XKR9: variants seen among roughly 807,000 people sequenced by gnomAD.
XKR9 encodes XK related 9, also known as XK-related protein 9.
In XKR9, 32 loss-of-function variants were observed where a neutral mutation model predicts 32.0. That is an observed-to-expected ratio of 1.00 (90% CI 0.76 to 1.34). XKR9 has a LOEUF of 1.34. XKR9 is among the 40% of genes most tolerant of loss of function. The probability of loss-of-function intolerance (pLI) is 0.00; values close to 1 mark genes in which losing one functional copy is unlikely to be tolerated. For synonymous variants in XKR9, 168 were observed against 143.4 expected (o/e 1.17, Z -1.22); for missense variants, 546 against 429.7 (o/e 1.27, Z -2.39).
the XKR9 span, among the ~76,000 whole-genome samples, chr8:70,900,471 C>T: frequency 6.6e-6 from 1 of 151,956 alleles, no homozygotes; most frequent in Non-Finnish European, 1.5e-5. Context: ...TGCCTGTAAT[C>T]CCAGCCACTC....
the XKR9 span, among the ~76,000 whole-genome samples, chr8:70,930,202 A>T: frequency 6.6e-6 from 1 of 152,148 alleles, no homozygotes; most frequent in Non-Finnish European, 1.5e-5. Flanking sequence ...GTAGGTGAAT[A>T]TAAGCCTATA....
chr8:70,847,112 T>G, the XKR9 span, among the ~76,000 whole-genome samples: 2 of 151,914 alleles, frequency 1.3e-5, no homozygotes, highest in Non-Finnish European at 2.9e-5. Flanking sequence ...GTCTCAAAAA[T>G]TTTTTAAAAA....
At chr8:70,699,815 A>T (rs1221694211) in intron 3 of XKR9, among the ~76,000 whole-genome samples, 1 of 152,156 alleles carries the variant, frequency 6.6e-6, no homozygotes, top group Admixed American at 6.5e-5. Flanking sequence ...CACTTTCAGG[A>T]ACACCAATCA....
the XKR9 span, among the ~76,000 whole-genome samples, chr8:70,876,581 C>T: frequency 1.3e-5 from 2 of 152,118 alleles, no homozygotes; most frequent in Non-Finnish European, 2.9e-5. Context: ...TGGGCAACCT[C>T]TGGGTAAACT....
the XKR9 span, among the ~76,000 whole-genome samples, chr8:71,017,935 A>G: frequency 6.6e-6 from 1 of 152,238 alleles, no homozygotes. Flanking sequence ...ATGATATTGA[A>G]TATGTGAACT....
the XKR9 span, among the ~76,000 whole-genome samples, chr8:71,048,044 T>C: frequency 6.6e-6 from 1 of 152,140 alleles, no homozygotes; most frequent in Non-Finnish European, 1.5e-5. Flanking sequence ...CCTTCTAGAA[T>C]GGAAGGAGCT....
intron 2 of XKR9, among the ~76,000 whole-genome samples, chr8:70,766,423 G>A (rs530263194): frequency 6.6e-6 from 1 of 152,180 alleles, no homozygotes; most frequent in South Asian, 2.1e-4. Flanking sequence ...GTATAGGAGC[G>A]CTTGTAATTT....
chr8:71,045,088 G>A, the XKR9 span, among the ~76,000 whole-genome samples: 1 of 152,168 alleles, frequency 6.6e-6, no homozygotes, highest in Admixed American at 6.5e-5. Flanking sequence ...GGTGTGGGGA[G>A]GAGGAGTAAA....
At chr8:70,683,820 C>T (rs774075961) in intron 3 of XKR9, among the ~76,000 whole-genome samples, 4 of 152,224 alleles carry the variant, frequency 2.6e-5, no homozygotes, top group Non-Finnish European at 2.9e-5. Context: ...TTCCTGAGGT[C>T]TGCCTTTTAG....
At chr8:71,042,841 C>T in the XKR9 span, among the ~76,000 whole-genome samples, 40 of 152,250 alleles carry the variant, frequency 2.6e-4, no homozygotes, top group African/African-American at 9.1e-4. Context: ...CTGGTGCACC[C>T]CATGCAAGAC....
the XKR9 span, among the ~76,000 whole-genome samples, chr8:70,813,383 A>G: frequency 6.6e-6 from 1 of 152,346 alleles, no homozygotes; most frequent in African/African-American, 2.4e-5. Flanking sequence ...AGGCATGCGC[A>G]AGGTCTTCAT....
the XKR9 span, among the ~76,000 whole-genome samples, chr8:70,909,090 G>A: frequency 0.98 from 148,994 of 152,224 alleles, 72,926 homozygotes; most frequent in East Asian, 1. Context: ...ATATTACCAT[G>A]TAGTCCTTTA....
the XKR9 span, among the ~76,000 whole-genome samples, chr8:71,000,721 T>C: frequency 5.8e-4 from 89 of 152,276 alleles, no homozygotes; most frequent in Non-Finnish European, 1.1e-3. Flanking sequence ...TCTGTCTTAT[T>C]TTTGTGTACC....
intron 2 of XKR9, among the ~76,000 whole-genome samples, chr8:70,788,049 A>T: frequency 6.6e-6 from 1 of 152,100 alleles, no homozygotes; most frequent in East Asian, 1.9e-4. Context: ...AACCAATTCA[A>T]TGATAAATAA....
the XKR9 span, among the ~76,000 whole-genome samples, chr8:70,977,091 G>C: frequency 2.0e-5 from 3 of 151,850 alleles, no homozygotes; most frequent in Non-Finnish European, 4.4e-5. Flanking sequence ...TTATTACATC[G>C]ATTTGATTCT....
At chr8:71,046,402 C>T in the XKR9 span, among the ~76,000 whole-genome samples, 1 of 152,214 alleles carries the variant, frequency 6.6e-6, no homozygotes, top group Non-Finnish European at 1.5e-5. Flanking sequence ...GCATACACTT[C>T]AGCTCTGTGT....
At chr8:70,921,819 A>T in the XKR9 span, among the ~76,000 whole-genome samples, 1 of 152,162 alleles carries the variant, frequency 6.6e-6, no homozygotes, top group Admixed American at 6.5e-5. Context: ...ATAAAGCAAA[A>T]TCCCCAAATT....
At chr8:70,847,940 G>A in the XKR9 span, among the ~76,000 whole-genome samples, 222 of 152,090 alleles carry the variant, frequency 1.5e-3, no homozygotes, top group Non-Finnish European at 1.6e-3. Flanking sequence ...AAATGGAAAA[G>A]GAGGGAATTA....
chr8:70,800,998 TG>T, the XKR9 span, among the ~76,000 whole-genome samples: 95 of 151,604 alleles, frequency 6.3e-4, no homozygotes, highest in African/African-American at 2.1e-3. Flanking sequence ...TTTTTTTTTT[TG>T]TATTTCTCTG....
Sources: allele counts gnomAD v4.1 joint callset (sites outside exome capture counted in the v4.1 genomes callset), GRCh38; gene constraint gnomAD v4.1.1; transcripts MANE v1.5; gene names NCBI Gene and HGNC (gene_info 2026-07-23, HGNC 2026-07-21).